The following BANP variants were observed in gnomAD, a reference collection of about 807,000 sequenced individuals.
The protein encoded by BANP is BTG3 associated nuclear protein, also known as protein BANP.
Under a neutral mutation model 68.1 loss-of-function variants are expected in BANP, and 11 were observed. The observed-to-expected ratio is 0.16, with a 90% confidence interval of 0.10 to 0.27. BANP has a LOEUF of 0.27. Among genes scored for constraint, BANP ranks in the 10% least tolerant of loss-of-function variants. BANP has a pLI of 1.00. For missense variants in BANP, 504 were observed against 722.7 expected (o/e 0.70, Z 3.47); for synonymous variants, 329 against 303.2 (o/e 1.09, Z -0.88).
chr16:88,044,854 C>T (rs961907491), intron 11 of BANP, among the ~76,000 whole-genome samples: 10 of 151,978 alleles, frequency 6.6e-5, no homozygotes, highest in Non-Finnish European at 8.8e-5. Context: ...CGGTGGCAGG[C>T]GCCTGTAGTC....
chr16:87,968,803 T>C (rs1481448800), intron 1 of BANP, among the ~76,000 whole-genome samples: 2 of 152,062 alleles, frequency 1.3e-5, no homozygotes, highest in Non-Finnish European at 2.9e-5. Flanking sequence ...GTAGGTGGAG[T>C]TGGAATGGAC....
At chr16:87,974,378 G>A (rs146680024) in intron 1 of BANP, among the ~76,000 whole-genome samples, 1,781 of 152,280 alleles carry the variant, frequency 0.012, 31 homozygotes, top group African/African-American at 0.037. Flanking sequence ...GGACAGCCCC[G>A]CCCTGGACAG....
chr16:88,001,666 GTTTA>G (rs1319511150), intron 4 of BANP, among the ~76,000 whole-genome samples: 4 of 152,212 alleles, frequency 2.6e-5, no homozygotes, highest in South Asian at 2.1e-4. Context: ...AACAAAACTG[GTTTA>G]TTTATTTTTT....
At chr16:87,992,258 A>C (rs866200284) in intron 4 of BANP, among the ~76,000 whole-genome samples, 87 of 152,304 alleles carry the variant, frequency 5.7e-4, no homozygotes, top group African/African-American at 2.0e-3. Flanking sequence ...TCAGTTTTCT[A>C]ATATTTAATG....
At chr16:87,953,465 TAGC>T (rs2057395915) in intron 1 of BANP, among the ~76,000 whole-genome samples, 1 of 152,194 alleles carries the variant, frequency 6.6e-6, no homozygotes, top group Non-Finnish European at 1.5e-5. Flanking sequence ...GCCTCCTTAG[TAGC>T]CGCTAATACA....
Position 88,018,087 on chromosome 16 carries a change from G to C in BANP, c.656-341G>C, listed in dbSNP as rs1261289520. On this transcript the variant is annotated intron_variant, in intron 6 of 13. Coordinates refer to ENST00000682872, the MANE Select transcript of BANP (RefSeq NM_001386991.1). The surrounding 1 kb of genome is among the most constrained non-coding windows in gnomAD (Gnocchi z 7.7). ...TCCGCTCTGCAGGTGGCTGGGGCAG[G>C]TACCAACTGTGTGCAAGGATATCGG... Among the ~76,000 whole-genome samples the C allele has an allele frequency of 6.6e-6, 1 of 152,136 alleles. No homozygotes were observed. The highest frequency in any genetic ancestry group is 1.5e-5 in the Non-Finnish European group (1 of 68,010).
intron 8 of BANP, among the ~76,000 whole-genome samples, chr16:88,027,943 G>A (rs1482635871): frequency 2.0e-5 from 3 of 152,258 alleles, no homozygotes; most frequent in South Asian, 2.1e-4. Context: ...AGGCCTTTGC[G>A]TGGGGCTGCC....
At chr16:88,019,714 G>GTCC (rs1354352826) in intron 7 of BANP, among the ~76,000 whole-genome samples, 1 of 148,682 alleles carries the variant, frequency 6.7e-6, no homozygotes, top group South Asian at 2.2e-4. Context: ...TGCGGGGGGC[G>GTCC]GGGCGTGCGG....
intron 8 of BANP, among the ~76,000 whole-genome samples, chr16:88,028,702 A>G (rs756347405): frequency 3.3e-5 from 5 of 152,230 alleles, no homozygotes; most frequent in Non-Finnish European, 5.9e-5. Context: ...CTGAAATACC[A>G]TGTAGCAGCG....
At chr16:88,031,182 C>G (rs955214986) in intron 8 of BANP, among the ~76,000 whole-genome samples, 1 of 152,202 alleles carries the variant, frequency 6.6e-6, no homozygotes, top group African/African-American at 2.4e-5. Flanking sequence ...TGCTTTGGGA[C>G]ATGACCCATC....
At chr16:88,017,276 C>A (rs529763153) in intron 6 of BANP, 84 of 152,360 alleles carry the variant, frequency 5.5e-4, no homozygotes, top group Non-Finnish European at 1.0e-3. Flanking sequence ...CCCGGCCCCT[C>A]GTGGGAGGTA....
intron 10 of BANP, 23 bp downstream of exon 10, chr16:88,035,417 A>T: frequency 6.3e-7 from 1 of 1,590,246 alleles, no homozygotes; most frequent in South Asian, 1.1e-5. Flanking sequence ...TCGCTGCAGC[A>T]CTGTCCCTGC....
Position 88,018,807 on chromosome 16 carries a change from G to A in BANP, c.895+140G>A. Reference sequence around the variant, plus strand: ...AGGCGGTTTGAAATCTCAGCCCGAGGATCAGTGCTCGAGGGGATGGATGAG... The same window carrying A: ...AGGCGGTTTGAAATCTCAGCCCGAGAATCAGTGCTCGAGGGGATGGATGAG... On this transcript the variant is annotated intron_variant, in intron 7 of 13. Coordinates refer to ENST00000682872, the MANE Select transcript of BANP (RefSeq NM_001386991.1). This position sits in a 1 kb window ranked among gnomAD's most constrained non-coding sequence, Gnocchi z 7.7. 1 of 1,172,154 alleles carries A rather than the reference G, an allele frequency of 8.5e-7. No homozygotes were observed. Among genetic ancestry groups the A allele is most frequent in the Non-Finnish European group, 1.2e-6 (1 of 847,544 alleles). The allele number at this position is 1,172,154 out of a possible 1,614,324, so 72.6% of individuals were successfully genotyped here. A position where few individuals can be genotyped will look rare whatever the true frequency, so the allele number is the denominator to read the frequency against.
At chr16:88,008,334 A>T (rs1302116266) in intron 6 of BANP, among the ~76,000 whole-genome samples, 2 of 151,982 alleles carry the variant, frequency 1.3e-5, no homozygotes, top group East Asian at 3.8e-4. Flanking sequence ...AGGGCAATGG[A>T]GTTTTTCACA....
At chr16:87,975,644 A>G (rs7193078) in intron 2 of BANP, among the ~76,000 whole-genome samples, 34,436 of 143,780 alleles carry the variant, frequency 0.24, 4,786 homozygotes, top group East Asian at 0.49. Flanking sequence ...GATCCTTACC[A>G]TGTTGTGTGT....
chr16:88,049,482 G>GACATTAGCATTCC (rs1567870756), intron 11 of BANP, among the ~76,000 whole-genome samples: 2 of 151,748 alleles, frequency 1.3e-5, no homozygotes, highest in Non-Finnish European at 2.9e-5. Flanking sequence ...TGGAAACTTC[G>GACATTAGCATTCC]TGACATTAGC....
In BANP at chr16:88,076,640, C is replaced by T; in HGVS notation, c.1572C>T (p.His524=). 1 of 1,610,180 alleles carries T rather than the reference C, an allele frequency of 6.2e-7. No individual in the cohort carries two copies. Among genetic ancestry groups the T allele is most frequent in the East Asian group, 2.2e-5 (1 of 44,858 alleles). The change falls in exon 14 of 14, where the codon CAC becomes CAT. Residue 524 remains histidine (H), a synonymous_variant. Coordinates refer to ENST00000682872, the MANE Select transcript of BANP (RefSeq NM_001386991.1). ...PTLQPEMQLE[H]GAIQIQ is the part of the protein sequence containing the mutation. ...TACAGCCGGAGATGCAGCTCGAGCA[C>T]GGGGCCATCCAGATTCAGTGAGCGG...
chr16:87,963,805 T>G (rs1164871191), intron 1 of BANP, among the ~76,000 whole-genome samples: 1 of 152,244 alleles, frequency 6.6e-6, no homozygotes, highest in African/African-American at 2.4e-5. Context: ...GTTTTTCATG[T>G]GATGCTGATA....
chr16:87,956,448 A>T (rs534717145), intron 1 of BANP: 1 of 152,364 alleles, frequency 6.6e-6, no homozygotes, highest in South Asian at 2.1e-4. Flanking sequence ...AAGTGCTCTG[A>T]ACCATCCGGA....
Sources: gnomAD v4.1 joint callset for allele counts (sites outside exome capture counted in the v4.1 genomes callset) on GRCh38, gnomAD v4.1.1 for gene constraint, Gnocchi (gnomAD v3.1) non-coding constraint, MANE v1.5 for transcripts, NCBI Gene and HGNC (gene_info 2026-07-23, HGNC 2026-07-21) for gene names.